ADPRHL1: variants seen among roughly 807,000 people sequenced by gnomAD.
ADPRHL1 encodes ADP-ribosylhydrolase like 1, also known as inactive ADP-ribosyltransferase ARH2.
In ADPRHL1, 43 loss-of-function variants were observed where a neutral mutation model predicts 44.1. That is an observed-to-expected ratio of 0.98 (90% CI 0.76 to 1.26). ADPRHL1 has a LOEUF of 1.26. ADPRHL1 is among the 50% of genes most tolerant of loss of function. The pLI is 0.00. For synonymous variants in ADPRHL1, 878 were observed against 1,017.4 expected, an observed-to-expected ratio of 0.86 and a Z score of 2.61; for missense variants, 2,022 against 2,496.9, an observed-to-expected ratio of 0.81 and a Z score of 4.05.
At chr13:113,444,696 C>T in intron 1 of ADPRHL1, 107 bp from the exon 2 acceptor site, 1 of 1,360,668 alleles carries the variant, frequency 7.3e-7, no homozygotes, top group Non-Finnish European at 1.0e-6. Context: ...GGAGGGCAGA[C>T]ACTGCAAACT....
At chr13:113,415,839 T>C (rs1220911991) in intron 7 of ADPRHL1, among the ~76,000 whole-genome samples, 2 of 150,620 alleles carry the variant, frequency 1.3e-5, no homozygotes, top group Non-Finnish European at 3.0e-5. Flanking sequence ...ATAACACAGA[T>C]CCCTTTAATT....
intron 1 of ADPRHL1, among the ~76,000 whole-genome samples, chr13:113,449,743 G>A (rs754121268): frequency 1.3e-5 from 2 of 152,350 alleles, no homozygotes; most frequent in Admixed American, 6.5e-5. Context: ...GCTGCCAAAC[G>A]TAGTTCCATT....
intron 2 of ADPRHL1, among the ~76,000 whole-genome samples, chr13:113,437,993 G>A (rs1338372571): frequency 6.6e-6 from 1 of 152,150 alleles, no homozygotes; most frequent in Non-Finnish European, 1.5e-5. Context: ...ACCATGCCTG[G>A]CTAGTTTTTG....
rs557808020 is a variant in ADPRHL1, at chr13:113,408,473, C to T, written c.1062-253G>A. On this transcript the variant is annotated intron_variant, in intron 7 of 7. Transcript: ENST00000612156. Reference sequence around the variant, plus strand: ...GCAGGAACTTCTGACACACGCTCCTCCTAAGGGCATTGAGGAGTTGACATT... The same window carrying T: ...GCAGGAACTTCTGACACACGCTCCTTCTAAGGGCATTGAGGAGTTGACATT... Among the ~76,000 whole-genome samples, 10 of 152,322 alleles carry T rather than the reference C, an allele frequency of 6.6e-5. No individual in the cohort carries two copies. The South Asian group carries it at 1.9e-3, about 28-fold the overall frequency.
At chr13:113,413,233 C>T (rs541401163) in intron 7 of ADPRHL1, among the ~76,000 whole-genome samples, 1 of 152,354 alleles carries the variant, frequency 6.6e-6, no homozygotes, top group East Asian at 1.9e-4. Context: ...CCAGCTCCAG[C>T]CTCCACCCTG....
At position 113,447,246 on chromosome 13, in the gene ADPRHL1, G is replaced by A. The variant is rs1419738795; in HGVS notation, c.215-2657C>T. Among the ~76,000 whole-genome samples the A allele has an allele frequency of 4.6e-4, 57 of 125,200 alleles. 1 individual carries two copies. The highest frequency in any genetic ancestry group is 1.5e-3 in the African/African-American group (49 of 32,048). The allele number at this position is 125,200 out of a possible 152,430, so 82.1% of individuals were successfully genotyped here. A position where few individuals can be genotyped will look rare whatever the true frequency, so the allele number is the denominator to read the frequency against. ...ACGCACGGTGTTGTGTGTGCATGGCGTCTACACGCACGGTGTTGTGTGTGC... is the reference window on the plus strand; with the variant it reads ...ACGCACGGTGTTGTGTGTGCATGGCATCTACACGCACGGTGTTGTGTGTGC... On this transcript the variant is annotated intron_variant, in intron 1 of 7. Coordinates refer to ENST00000612156, the MANE Select transcript of ADPRHL1 (RefSeq NM_001394807.1).
At chr13:113,419,010 CCCTT>C (rs1415519907) in intron 7 of ADPRHL1, among the ~76,000 whole-genome samples, 102 of 148,824 alleles carry the variant, frequency 6.9e-4, no homozygotes, top group Middle Eastern at 3.5e-3. Context: ...CTTCCTCCCT[CCCTT>C]CCTTCCTTTC....
chr13:113,407,784 TCTTCCCGGCCGGGTGGCC>T lies in ADPRHL1; in HGVS notation c.1480_1497del (p.Gly494_Lys499del), dbSNP rs1264006250. 6.5e-6 allele frequency: 8 copies of T among 1,231,990 alleles called. No individual in the cohort carries two copies. Among genetic ancestry groups the T allele is most frequent in the Non-Finnish European group, 4.0e-6 (4 of 988,068 alleles). The allele number at this position is 1,231,990 out of a possible 1,614,324, so 76.3% of individuals were successfully genotyped here. On this transcript the variant is annotated inframe_deletion, in exon 8 of 8. Coordinates refer to ENST00000612156, the MANE Select transcript of ADPRHL1 (RefSeq NM_001394807.1). ...ATCTTCAGGATGTTTTTCACGGTGC[TCTTCCCGGCCGGGTGGCC>T]CCAGCGGGGCTTCTCGCTGAGGCAG...
At chr13:113,415,279 C>A (rs1378233555) in intron 7 of ADPRHL1, among the ~76,000 whole-genome samples, 1 of 152,130 alleles carries the variant, frequency 6.6e-6, no homozygotes, top group African/African-American at 2.4e-5. Flanking sequence ...CGCCTGCCCG[C>A]GATGTGGTCC....
At chr13:113,432,623 T>C (rs2139631546) in intron 3 of ADPRHL1, among the ~76,000 whole-genome samples, 1 of 132,696 alleles carries the variant, frequency 7.5e-6, no homozygotes. Context: ...GTCCCCAGGG[T>C]AGTAAAGGCA....
rs1321973532 is a variant in ADPRHL1 at position 113,403,514 on chromosome 13, G to A, written c.5768C>T (p.Ser1923Leu). The change falls in exon 8 of 8, where the codon TCG (serine) becomes TTG (leucine). Residue 1923 changes from serine (S) to leucine (L), a missense_variant. Ser to Leu is a moderately radical substitution (Grantham distance 145). This residue lies in a region of ADPRHL1 where 205 missense variants were observed against 250.1 expected (regional missense o/e 0.82). Transcript: ENST00000612156. ...GGACCTCCCGCGACGCTCGGGCTCC[G>A]ATGCCTCCATCCTGTCCTGCAGGGC... ...ERALQDRMEA[S>L]EPERRGRSRH... 1.2e-5 allele frequency: 15 copies of A among 1,231,894 alleles called. No individual in the cohort carries two copies. The highest frequency in any genetic ancestry group is 9.5e-5 in the East Asian group (3 of 31,700). 76.3% of individuals were successfully genotyped at this position (1,231,894 alleles called of 1,614,324 possible). A position where few individuals can be genotyped will look rare whatever the true frequency, so the allele number is the denominator to read the frequency against.
chr13:113,444,534 G>C lies in ADPRHL1; in HGVS notation c.270C>G (p.Ile90Met), dbSNP rs138609269. 3.7e-6 allele frequency: 6 copies of C among 1,614,176 alleles called. No homozygotes were observed. Among genetic ancestry groups the C allele is most frequent in the Non-Finnish European group, 4.2e-6 (5 of 1,180,040 alleles). Residue 90 changes from isoleucine to methionine, a missense_variant, in exon 2 of 8, where the codon ATC (isoleucine) becomes ATG (methionine). Ile to Met is a conservative substitution (Grantham distance 10). Around this residue, in one of 8 missense-constraint regions of ADPRHL1, gnomAD observed 437 missense variants for 430.7 expected, o/e 1.01. Coordinates refer to ENST00000612156, the MANE Select transcript of ADPRHL1 (RefSeq NM_001394807.1). Reference protein sequence around the residue: ...YREMVRCYVEIVEKLPERRPD... With the variant: ...YREMVRCYVEMVEKLPERRPD... The stretch of plus-strand genomic sequence containing the variant: ...GCCGGCGTTCTGGAAGCTTCTCAAC[G>C]ATTTCCACATAGCATCTCACCATCT...
At chr13:113,411,714 G>C (rs964861800) in intron 7 of ADPRHL1, among the ~76,000 whole-genome samples, 6 of 152,240 alleles carry the variant, frequency 3.9e-5, no homozygotes, top group Non-Finnish European at 5.9e-5. Context: ...GGTGAGCCCC[G>C]CCTTGCTGAG....
At chr13:113,443,009 T>G (rs2044109515) in intron 2 of ADPRHL1, among the ~76,000 whole-genome samples, 1 of 152,246 alleles carries the variant, frequency 6.6e-6, no homozygotes. Flanking sequence ...ATTATAGTTT[T>G]TATTTCTAGA....
chr13:113,407,196 G>C lies in ADPRHL1; in HGVS notation c.2086C>G (p.Gln696Glu). 1.6e-6 allele frequency: 2 copies of C among 1,232,248 alleles called. No homozygotes were observed. Among genetic ancestry groups the C allele is most frequent in the East Asian group, 3.2e-5 (1 of 31,708 alleles). 76.3% of individuals were successfully genotyped at this position (1,232,248 alleles called of 1,614,324 possible). A position where few individuals can be genotyped will look rare whatever the true frequency, so the allele number is the denominator to read the frequency against. ...GAGGGGACAGCGTGGCCGTCCCTCTGAGCCATCACCTGGGGTGTCACGGGC... is the reference window on the plus strand; with the variant it reads ...GAGGGGACAGCGTGGCCGTCCCTCTCAGCCATCACCTGGGGTGTCACGGGC... ...SKPVTPQVMA[Q>E]RDGHAVPSLA... is the part of the protein sequence containing the mutation. The change falls in exon 8 of 8, where the codon CAG becomes GAG. Residue 696 changes from glutamine to glutamate, a missense_variant. Gln to Glu is a conservative substitution (Grantham distance 29). Around this residue, in one of 8 missense-constraint regions of ADPRHL1, gnomAD observed 1,221 missense variants for 1,517.8 expected, o/e 0.80. Coordinates refer to ENST00000612156, the MANE Select transcript of ADPRHL1 (RefSeq NM_001394807.1).
chr13:113,416,553 T>G (rs1186915474), intron 7 of ADPRHL1, among the ~76,000 whole-genome samples: 1 of 152,144 alleles, frequency 6.6e-6, no homozygotes, highest in African/African-American at 2.4e-5. Flanking sequence ...AGCAACTGCC[T>G]AGGGTCCCTC....
intron 2 of ADPRHL1, among the ~76,000 whole-genome samples, chr13:113,435,164 TA>T: frequency 2.1e-5 from 1 of 48,362 alleles, no homozygotes; most frequent in Admixed American, 2.3e-4. Context: ...AGAGTGAACA[TA>T]GGTGTACCCT....
Position 113,406,768 on chromosome 13 carries a change from C to T in ADPRHL1, c.2514G>A (p.Thr838=), listed in dbSNP as rs1477547627. Residue 838 remains threonine, a synonymous_variant, in exon 8 of 8, where the codon ACG becomes ACA. Transcript: ENST00000612156. ...VQAARRTQPA[T]EPPRITVQIP... ...TTTGGACAGTTATCCGTGGAGGCTC[C>T]GTGGCAGGCTGTGTTCTCCGAGCAG... The T allele has an allele frequency of 3.2e-5, 39 of 1,231,844 alleles. No homozygotes were observed. The East Asian group carries it at 8.2e-4, about 26-fold the overall frequency. 76.3% of individuals were successfully genotyped at this position (1,231,844 alleles called of 1,614,324 possible).
intron 5 of ADPRHL1, 102 bp from the exon 6 acceptor site, chr13:113,424,451 C>T: frequency 4.0e-6 from 6 of 1,483,342 alleles, no homozygotes; most frequent in African/African-American, 1.4e-5. Flanking sequence ...ACTGCCATTT[C>T]ATCCATCCAC....
Sources: gnomAD v4.1 joint callset for allele counts (sites outside exome capture counted in the v4.1 genomes callset) on GRCh38, gnomAD v4.1.1 for gene constraint, gnomAD v4.1.1 regional missense constraint, MANE v1.5 for transcripts, NCBI Gene and HGNC (gene_info 2026-07-23, HGNC 2026-07-21) for gene names.